NFIA: variants seen among roughly 807,000 people sequenced by gnomAD.
NFIA encodes nuclear factor 1 A-type.
Under a neutral mutation model 62.8 loss-of-function variants are expected in NFIA, and 8 were observed. That is an observed-to-expected ratio of 0.13 (90% CI 0.07 to 0.23). The LOEUF (loss-of-function observed/expected upper bound fraction) is 0.23. Among genes scored for constraint, NFIA ranks in the 10% least tolerant of loss-of-function variants. The probability of loss-of-function intolerance (pLI) is 1.00; values close to 1 mark genes in which losing one functional copy is unlikely to be tolerated. For synonymous variants in NFIA, 235 were observed against 238.1 expected (o/e 0.99, Z 0.12); for missense variants, 410 against 642.1 (o/e 0.64, Z 3.91).
intron 2 of NFIA, among the ~76,000 whole-genome samples, chr1:61,127,654 T>A (rs1159057375): frequency 6.6e-6 from 1 of 152,166 alleles, no homozygotes; most frequent in Non-Finnish European, 1.5e-5. Context: ...AGTATTAAAG[T>A]ATTTCTTGAA....
chr1:61,085,336 C>T (rs1213547918), intron 1 of NFIA, among the ~76,000 whole-genome samples: 1 of 152,132 alleles, frequency 6.6e-6, no homozygotes, highest in Admixed American at 6.5e-5. Flanking sequence ...CCAGAAATAT[C>T]AGCATTCAGT....
chr1:61,142,074 G>GT (rs1007331605), intron 2 of NFIA, among the ~76,000 whole-genome samples: 11 of 151,162 alleles, frequency 7.3e-5, no homozygotes, highest in Admixed American at 4.0e-4. Flanking sequence ...GCCTTAGTGA[G>GT]TTTTTTTTCC....
At chr1:61,236,634 C>T (rs1214042678) in intron 2 of NFIA, among the ~76,000 whole-genome samples, 3 of 148,942 alleles carry the variant, frequency 2.0e-5, no homozygotes, top group East Asian at 2.0e-4. Flanking sequence ...TTTTTTTTTT[C>T]AAGAAAGGAC....
intron 2 of NFIA, among the ~76,000 whole-genome samples, chr1:61,106,811 C>T (rs973572164): frequency 1.9e-4 from 29 of 151,526 alleles, no homozygotes; most frequent in African/African-American, 6.8e-4. Flanking sequence ...GAAATTCCTC[C>T]TATTATCCTG....
chr1:61,288,457 A>G (rs72911928), intron 3 of NFIA, among the ~76,000 whole-genome samples: 4,250 of 152,326 alleles, frequency 0.028, 188 homozygotes, highest in African/African-American at 0.096. Flanking sequence ...TTAAAAAAGA[A>G]TAGTGTTCAC....
intron 6 of NFIA, among the ~76,000 whole-genome samples, chr1:61,365,526 C>T (rs1210739554): frequency 3.3e-5 from 5 of 152,208 alleles, no homozygotes; most frequent in African/African-American, 9.6e-5. Flanking sequence ...AAACAATTCT[C>T]TTGTCTCCCT....
intron 7 of NFIA, 92 bp downstream of exon 7, chr1:61,383,457 A>ACACT: frequency 6.6e-7 from 1 of 1,524,520 alleles, no homozygotes; most frequent in South Asian, 1.2e-5. Context: ...CTCCCCCTGA[A>ACACT]CACTCGTGAG....
chr1:61,143,177 G>A (rs1177549090), intron 2 of NFIA, among the ~76,000 whole-genome samples: 1 of 152,146 alleles, frequency 6.6e-6, no homozygotes, highest in East Asian at 1.9e-4. Flanking sequence ...CTATTAGTCA[G>A]CGTGGCATCA....
intron 2 of NFIA, among the ~76,000 whole-genome samples, chr1:61,227,651 T>C (rs146574381): frequency 3.7e-4 from 57 of 152,358 alleles, no homozygotes; most frequent in African/African-American, 1.3e-3. Flanking sequence ...TTTTTGTTCA[T>C]GTTTTTCTTC....
chr1:61,147,952 A>G (rs968328150), intron 2 of NFIA, among the ~76,000 whole-genome samples: 1 of 152,202 alleles, frequency 6.6e-6, no homozygotes, highest in African/African-American at 2.4e-5. Flanking sequence ...TTGTACACCA[A>G]TGCAAGTGAG....
intron 2 of NFIA, among the ~76,000 whole-genome samples, chr1:61,235,366 G>C (rs1654929217): frequency 1.3e-5 from 2 of 151,944 alleles, no homozygotes; most frequent in African/African-American, 4.8e-5. Flanking sequence ...GGGAGGCTGA[G>C]GCAGGAGAAT....
At chr1:61,407,909 A>G (rs1291238895) in intron 9 of NFIA, among the ~76,000 whole-genome samples, 3 of 152,182 alleles carry the variant, frequency 2.0e-5, no homozygotes, top group Non-Finnish European at 4.4e-5. Context: ...TAGGCCTCTC[A>G]GCTTCCTTAC....
intron 2 of NFIA, among the ~76,000 whole-genome samples, chr1:61,167,158 C>T (rs941501514): frequency 6.6e-6 from 1 of 152,072 alleles, no homozygotes; most frequent in African/African-American, 2.4e-5. Context: ...AAAGAATTTA[C>T]ATATTTTCCC....
In NFIA at chr1:61,389,906, G is replaced by A. The variant is rs930330001; in HGVS notation, c.1075+6541G>A. Among the ~76,000 whole-genome samples, 4 of 152,132 alleles carry A rather than the reference G, an allele frequency of 2.6e-5. 1 individual carries two copies. In the South Asian group the frequency reaches 6.2e-4, roughly 24 times the overall value. On this transcript the variant is annotated intron_variant, in intron 7 of 10. Transcript: ENST00000403491. Reference sequence around the variant, plus strand: ...TTTTTCAATATTGTATTAGTTTGCAGATACCTATTACTATCTGGGGACCCA... The same window carrying A: ...TTTTTCAATATTGTATTAGTTTGCAAATACCTATTACTATCTGGGGACCCA...
intron 2 of NFIA, among the ~76,000 whole-genome samples, chr1:61,185,738 C>T (rs190395213): frequency 1.3e-5 from 2 of 149,856 alleles, no homozygotes; most frequent in Non-Finnish European, 3.0e-5. Context: ...TACTTGTCTG[C>T]TTAGAATGCA....
At chr1:61,144,669 T>A (rs1340806167) in intron 2 of NFIA, among the ~76,000 whole-genome samples, 2 of 152,204 alleles carry the variant, frequency 1.3e-5, no homozygotes, top group East Asian at 3.8e-4. Flanking sequence ...GGACCATACC[T>A]CCATTTGTAG....
In NFIA at chr1:61,138,038, C is replaced by T. The variant is rs571209293; in HGVS notation, c.559+49358C>T. Among the ~76,000 whole-genome samples, 254 of 151,060 alleles carry T rather than the reference C, an allele frequency of 1.7e-3. 2 individuals are homozygous for T. Among genetic ancestry groups the T allele is most frequent in the Middle Eastern group, 0.014 (4 of 292 alleles). On this transcript the variant is annotated intron_variant, in intron 2 of 10. Coordinates refer to ENST00000403491, the MANE Select transcript of NFIA (RefSeq NM_001134673.4). ...TGGTAACTTTTCCCTTCAGAGAAGTCAAGAGCAAGAGTATTTTTTTCCAAT... is the reference window on the plus strand; with the variant it reads ...TGGTAACTTTTCCCTTCAGAGAAGTTAAGAGCAAGAGTATTTTTTTCCAAT...
intron 9 of NFIA, among the ~76,000 whole-genome samples, chr1:61,415,221 A>G (rs1666295890): frequency 6.6e-6 from 1 of 152,214 alleles, no homozygotes; most frequent in South Asian, 2.1e-4. Flanking sequence ...ACATCAAAAC[A>G]AATTTCAGCC....
intron 2 of NFIA, among the ~76,000 whole-genome samples, chr1:61,184,181 A>G (rs1650974663): frequency 6.6e-6 from 1 of 151,268 alleles, no homozygotes; most frequent in African/African-American, 2.4e-5. Context: ...AAAAAACTTC[A>G]GAGGGGAAAC....
Sources: gnomAD v4.1 joint callset for allele counts (sites outside exome capture counted in the v4.1 genomes callset) on GRCh38, gnomAD v4.1.1 for gene constraint, MANE v1.5 for transcripts, NCBI Gene and HGNC (gene_info 2026-07-23, HGNC 2026-07-21) for gene names.